The following SH3RF1 variants were observed in gnomAD, a reference collection of about 807,000 sequenced individuals.
SH3RF1 encodes E3 ubiquitin-protein ligase SH3RF1.
Under a neutral mutation model 74.0 loss-of-function variants are expected in SH3RF1, and 32 were observed. The ratio of observed to expected loss-of-function variants is 0.43; its 90% CI spans 0.33 to 0.58. SH3RF1 has a LOEUF of 0.58. SH3RF1 is among the 20% of genes least tolerant of loss of function. SH3RF1 has a pLI of 0.05. For missense variants in SH3RF1, 954 were observed against 1,130.9 expected (o/e 0.84, Z 2.24); for synonymous variants, 396 against 439.6 (o/e 0.90, Z 1.24).
At chr4:169,216,073 G>A (rs1730457312) in intron 2 of SH3RF1, among the ~76,000 whole-genome samples, 1 of 152,052 alleles carries the variant, frequency 6.6e-6, no homozygotes, top group Non-Finnish European at 1.5e-5. Flanking sequence ...CAAAGTGGTG[G>A]GATTATAGGC....
chr4:169,128,485 T>C (rs887048368), intron 6 of SH3RF1, among the ~76,000 whole-genome samples: 17 of 152,242 alleles, frequency 1.1e-4, no homozygotes, highest in Non-Finnish European at 2.4e-4. Flanking sequence ...CATTATTAGC[T>C]TCCATTTAAA....
At chr4:169,223,934 T>C (rs1730611983) in intron 2 of SH3RF1, among the ~76,000 whole-genome samples, 1 of 152,162 alleles carries the variant, frequency 6.6e-6, no homozygotes, top group Admixed American at 6.5e-5. Context: ...CCAGTGTAGC[T>C]GGAAGAAAAT....
chr4:169,246,808 C>T (rs1478219329), intron 2 of SH3RF1, among the ~76,000 whole-genome samples: 1 of 152,208 alleles, frequency 6.6e-6, no homozygotes, highest in Non-Finnish European at 1.5e-5. Context: ...GCAATTATTT[C>T]ATTCTGAAAC....
At chr4:169,164,652 A>C (rs1395347767) in intron 2 of SH3RF1, among the ~76,000 whole-genome samples, 1 of 152,238 alleles carries the variant, frequency 6.6e-6, no homozygotes, top group Non-Finnish European at 1.5e-5. Context: ...CAGGCACTGC[A>C]AATTGGTATC....
rs530647129 is a variant in SH3RF1, at chr4:169,231,301, C to T, written c.393+37519G>A. Among the ~76,000 whole-genome samples, 9 of 152,294 alleles carry T rather than the reference C, an allele frequency of 5.9e-5. No homozygotes were observed. In the East Asian group the frequency reaches 1.7e-3, roughly 29 times the overall value. ...AAGGAAAATAAGTTGGGTGTGGTGG[C>T]TCATGCCTGTAATCCCAGCACTTTG... On this transcript the variant is annotated intron_variant, in intron 2 of 11. Transcript: ENST00000284637.
intron 2 of SH3RF1, among the ~76,000 whole-genome samples, chr4:169,219,633 T>A (rs1452246025): frequency 2.0e-5 from 3 of 152,234 alleles, no homozygotes. Flanking sequence ...TACTGTTTTG[T>A]ATTTCCTTCA....
At chr4:169,266,657 G>A (rs912972481) in intron 2 of SH3RF1, among the ~76,000 whole-genome samples, 1 of 151,310 alleles carries the variant, frequency 6.6e-6, no homozygotes, top group Non-Finnish European at 1.5e-5. Context: ...AGGGGGAGGG[G>A]TCTTGCTATG....
intron 2 of SH3RF1, among the ~76,000 whole-genome samples, chr4:169,180,962 C>A (rs1056568294): frequency 6.6e-6 from 1 of 152,168 alleles, no homozygotes; most frequent in Non-Finnish European, 1.5e-5. Context: ...CTGCCAGCAA[C>A]CCTTTCTTTT....
chr4:169,111,431 A>T (rs969186402), intron 10 of SH3RF1, among the ~76,000 whole-genome samples: 2 of 142,938 alleles, frequency 1.4e-5, no homozygotes, highest in African/African-American at 2.5e-5. Flanking sequence ...ATTAAAAATA[A>T]TTTTTTTTTT....
At chr4:169,219,669 T>C (rs1579145427) in intron 2 of SH3RF1, among the ~76,000 whole-genome samples, 1 of 152,204 alleles carries the variant, frequency 6.6e-6, no homozygotes, top group African/African-American at 2.4e-5. Flanking sequence ...AGAGGGCCAG[T>C]AGACAGCTGC....
Position 169,269,284 on chromosome 4 carries a change from G to T in SH3RF1, c.-72C>A. On this transcript the variant is annotated 5_prime_UTR_variant, in exon 2 of 12. Transcript: ENST00000284637. Reference sequence around the variant, plus strand: ...GTGTGCATCCCTTAAAATGACTCATGTAACATCCATTTCAGACTTTGCTCT... The same window carrying T: ...GTGTGCATCCCTTAAAATGACTCATTTAACATCCATTTCAGACTTTGCTCT... 6.9e-7 allele frequency: 1 copy of T among 1,455,846 alleles called. No individual in the cohort carries two copies. Among genetic ancestry groups the T allele is most frequent in the South Asian group, 1.4e-5 (1 of 72,102 alleles). 90.2% of individuals were successfully genotyped at this position (1,455,846 alleles called of 1,614,324 possible).
chr4:169,106,179 C>A (rs1442569456), intron 11 of SH3RF1, among the ~76,000 whole-genome samples: 1 of 151,854 alleles, frequency 6.6e-6, no homozygotes, highest in Non-Finnish European at 1.5e-5. Flanking sequence ...GCGGCATGAT[C>A]TCCACTCACT....
chr4:169,165,203 T>C (rs1446841847), intron 2 of SH3RF1, among the ~76,000 whole-genome samples: 1 of 152,162 alleles, frequency 6.6e-6, no homozygotes, highest in African/African-American at 2.4e-5. Context: ...TCTGCCCTTC[T>C]CTTGCCACTG....
chr4:169,260,358 C>G (rs935901733), intron 2 of SH3RF1, among the ~76,000 whole-genome samples: 2 of 152,186 alleles, frequency 1.3e-5, no homozygotes, highest in South Asian at 4.1e-4. Context: ...CCTGCTCCCC[C>G]TGTCTGTTCT....
intron 2 of SH3RF1, among the ~76,000 whole-genome samples, chr4:169,159,838 G>T (rs1312098454): frequency 6.6e-6 from 1 of 152,152 alleles, no homozygotes; most frequent in Admixed American, 6.6e-5. Context: ...ACAATGCAAA[G>T]AATGTTCCTC....
intron 2 of SH3RF1, among the ~76,000 whole-genome samples, chr4:169,229,146 G>A (rs1730695674): frequency 6.6e-6 from 1 of 152,134 alleles, no homozygotes; most frequent in Non-Finnish European, 1.5e-5. Flanking sequence ...TTTTGAGACA[G>A]GATCTTGTTC....
intron 2 of SH3RF1, among the ~76,000 whole-genome samples, chr4:169,216,441 T>C (rs1046249551): frequency 6.6e-6 from 1 of 152,196 alleles, no homozygotes; most frequent in Admixed American, 6.5e-5. Context: ...ATTTTCTGGC[T>C]AAAATTTTCC....
intron 2 of SH3RF1, among the ~76,000 whole-genome samples, chr4:169,248,402 CT>C (rs1731044037): frequency 6.6e-6 from 1 of 152,122 alleles, no homozygotes; most frequent in Non-Finnish European, 1.5e-5. Flanking sequence ...AAACCAAACA[CT>C]GCATGTTCTC....
intron 2 of SH3RF1, among the ~76,000 whole-genome samples, chr4:169,182,733 G>A (rs1734531671): frequency 6.6e-6 from 1 of 152,112 alleles, no homozygotes; most frequent in African/African-American, 2.4e-5. Flanking sequence ...AGGAGGCAAA[G>A]TGTTCAAGTG....
Sources: allele counts gnomAD v4.1 joint callset (sites outside exome capture counted in the v4.1 genomes callset), GRCh38; gene constraint gnomAD v4.1.1; transcripts MANE v1.5; gene names NCBI Gene and HGNC (gene_info 2026-07-23, HGNC 2026-07-21).